The following EYA2 variants were observed in gnomAD, a reference collection of about 807,000 sequenced individuals.
The protein encoded by EYA2 is EYA transcriptional coactivator and phosphatase 2.
A neutral mutation model predicts 69.2 loss-of-function variants in EYA2; 31 were observed. The observed-to-expected ratio is 0.45, with a 90% CI of 0.34 to 0.60. EYA2 has a LOEUF of 0.60. Ranked by LOEUF, EYA2 falls within the 20% of genes least tolerant of loss-of-function variation. The pLI, the probability that EYA2 is intolerant of heterozygous loss-of-function variation, is 0.02. For synonymous variants in EYA2, 257 were observed against 279.4 expected (o/e 0.92, Z 0.80); for missense variants, 622 against 701.2 (o/e 0.89, Z 1.28).
chr20:47,005,300 C>A (rs946994258), intron 4 of EYA2, among the ~76,000 whole-genome samples: 3 of 152,192 alleles, frequency 2.0e-5, no homozygotes, highest in African/African-American at 7.2e-5. Flanking sequence ...AAATTGAACC[C>A]AAGCTGGTTT....
chr20:46,953,999 C>G (rs954744885), intron 1 of EYA2, among the ~76,000 whole-genome samples: 6 of 152,172 alleles, frequency 3.9e-5, no homozygotes, highest in Non-Finnish European at 8.8e-5. Flanking sequence ...CCCTGTGACC[C>G]TTTCTCATCA....
chr20:47,082,606 T>C (rs1008036142), intron 7 of EYA2, among the ~76,000 whole-genome samples: 2 of 152,208 alleles, frequency 1.3e-5, no homozygotes, highest in Non-Finnish European at 2.9e-5. Context: ...TATACCTGGT[T>C]CGTGAATCAG....
chr20:47,141,071 T>A (rs1353242398), intron 9 of EYA2, among the ~76,000 whole-genome samples: 2 of 152,212 alleles, frequency 1.3e-5, no homozygotes, highest in Admixed American at 1.3e-4. Context: ...CACTGCCACA[T>A]TGGAGATCAA....
chr20:47,062,160 C>A (rs769074280), intron 5 of EYA2, among the ~76,000 whole-genome samples: 1 of 152,202 alleles, frequency 6.6e-6, no homozygotes, highest in African/African-American at 2.4e-5. Flanking sequence ...CCTGGTGCAT[C>A]CTGGACGTCC....
intron 8 of EYA2, among the ~76,000 whole-genome samples, chr20:47,090,025 G>T (rs912087810): frequency 1.1e-4 from 16 of 152,060 alleles, no homozygotes; most frequent in African/African-American, 3.6e-4. Context: ...CTGGGATTCT[G>T]ACTTCTCAGA....
chr20:47,175,075 G>T (rs1448963964), intron 12 of EYA2, among the ~76,000 whole-genome samples: 3 of 152,224 alleles, frequency 2.0e-5, no homozygotes, highest in African/African-American at 7.2e-5. Flanking sequence ...CCAGGGCTTT[G>T]TCAGGCTGCT....
rs114168707 is a variant in EYA2, at chr20:47,043,321, G to A, written c.415+27024G>A. ...CAGGAGGCACAGGCAGGGGACCCACGGAAAGGGAATGTTTTAAAAGGGAGA... is the reference window on the plus strand; with the variant it reads ...CAGGAGGCACAGGCAGGGGACCCACAGAAAGGGAATGTTTTAAAAGGGAGA... On this transcript the variant is annotated intron_variant, in intron 5 of 15. Coordinates refer to ENST00000327619, the MANE Select transcript of EYA2 (RefSeq NM_005244.5). 7.3e-3 allele frequency among the ~76,000 whole-genome samples: 1,110 copies of A among 152,260 alleles called. 13 individuals carry two copies. Among genetic ancestry groups the A allele is most frequent in the African/African-American group, 0.025 (1,049 of 41,540 alleles).
At chr20:46,938,799 A>G (rs2146260135) in intron 1 of EYA2, among the ~76,000 whole-genome samples, 1 of 152,222 alleles carries the variant, frequency 6.6e-6, no homozygotes, top group East Asian at 1.9e-4. Flanking sequence ...GGAGGGGACT[A>G]CACGGGGGTG....
rs536653847 is a variant in EYA2 at position 46,983,201 on chromosome 20, G to GGTTTTT, written c.-10-6787_-10-6782dup. On this transcript the variant is annotated intron_variant, in intron 1 of 15. Coordinates refer to ENST00000327619, the MANE Select transcript of EYA2 (RefSeq NM_005244.5). ...CAACTTCAATAGCAGAATCTCGTGA[G>GGTTTTT]GTTTTTGTTTTTGTTTTTTGTCTTG... Among the ~76,000 whole-genome samples the GGTTTTT allele has an allele frequency of 9.1e-4, 139 of 152,174 alleles. 2 individuals carry two copies. Among genetic ancestry groups the GGTTTTT allele is most frequent in the East Asian group, 3.9e-3 (20 of 5,188 alleles).
chr20:46,959,889 A>G (rs1209581370), intron 1 of EYA2, among the ~76,000 whole-genome samples: 2 of 152,166 alleles, frequency 1.3e-5, no homozygotes, highest in Non-Finnish European at 2.9e-5. Flanking sequence ...CCAAGTAGCC[A>G]CTGAAGTCAG....
chr20:46,942,431 GA>G (rs200018199), intron 1 of EYA2, among the ~76,000 whole-genome samples: 102 of 152,220 alleles, frequency 6.7e-4, no homozygotes, highest in African/African-American at 2.4e-3. Flanking sequence ...TTTAGGGGGG[GA>G]AAACTCTCTT....
chr20:47,071,238 G>A (rs1187980881), intron 5 of EYA2, among the ~76,000 whole-genome samples: 1 of 152,134 alleles, frequency 6.6e-6, no homozygotes, highest in African/African-American at 2.4e-5. Context: ...TCGAGCTCCT[G>A]ACCTCCTGAT....
At chr20:47,156,085 T>TACACACAC (rs1320084095) in intron 10 of EYA2, among the ~76,000 whole-genome samples, 10 of 28,780 alleles carry the variant, frequency 3.5e-4, no homozygotes, top group Non-Finnish European at 5.5e-4. Flanking sequence ...CACATATATA[T>TACACACAC]ACATACACAC....
intron 2 of EYA2, among the ~76,000 whole-genome samples, chr20:47,000,074 C>T (rs1310389888): frequency 1.3e-5 from 2 of 152,210 alleles, no homozygotes; most frequent in African/African-American, 2.4e-5. Context: ...CCACACCGTA[C>T]TTCCTGTGTG....
At position 47,183,410 on chromosome 20, in the gene EYA2, A is replaced by T. The variant is rs2034576258; in HGVS notation, c.1536+19A>T. ...GAAAAAGGTACTTCTTCCACCTCTC[A>T]GACTGCGTTTTCCTGCTCTTTCGAG... On this transcript the variant is annotated intron_variant, in intron 15 of 15. Transcript: ENST00000327619. 5 of 1,611,626 alleles carry T rather than the reference A, an allele frequency of 3.1e-6. No homozygotes were observed. The highest frequency in any genetic ancestry group is 2.5e-6 in the Non-Finnish European group (3 of 1,177,926).
chr20:47,169,251 T>C, intron 11 of EYA2, 54 bp downstream of exon 11: 1 of 1,547,282 alleles, frequency 6.5e-7, no homozygotes, highest in Non-Finnish European at 8.9e-7. Context: ...GATTATCAAG[T>C]TATCCTTCTA....
intron 10 of EYA2, among the ~76,000 whole-genome samples, chr20:47,154,361 C>T (rs902483016): frequency 1.3e-5 from 2 of 151,988 alleles, no homozygotes; most frequent in Non-Finnish European, 2.9e-5. Context: ...AATACAGCCA[C>T]ATAGGGAGGT....
chr20:47,176,965 T>TA (rs1380886707), intron 12 of EYA2, among the ~76,000 whole-genome samples: 19 of 151,658 alleles, frequency 1.3e-4, no homozygotes, highest in African/African-American at 4.6e-4. Context: ...CTAATTTTTG[T>TA]ATTTTTAGTA....
At chr20:47,156,089 TACACACACACACAC>T (rs748282079) in intron 10 of EYA2, among the ~76,000 whole-genome samples, 8 of 30,966 alleles carry the variant, frequency 2.6e-4, no homozygotes, top group Admixed American at 4.6e-4. Flanking sequence ...TATATATACA[TACACACACACACAC>T]ACACACACAC....
Sources: gnomAD v4.1 joint callset for allele counts (sites outside exome capture counted in the v4.1 genomes callset) on GRCh38, gnomAD v4.1.1 for gene constraint, MANE v1.5 for transcripts, NCBI Gene and HGNC (gene_info 2026-07-23, HGNC 2026-07-21) for gene names.